The following C1QTNF1 variants were observed in gnomAD, a reference collection of about 807,000 sequenced individuals.
C1QTNF1 encodes complement C1q tumor necrosis factor-related protein 1.
A neutral mutation model predicts 27.8 loss-of-function variants in C1QTNF1; 22 were observed. The ratio of observed to expected loss-of-function variants is 0.79; its 90% CI spans 0.56 to 1.13. The LOEUF (loss-of-function observed/expected upper bound fraction) is 1.13, where lower values mean the gene tolerates loss of function less well. C1QTNF1 is among the 50% of genes most tolerant of loss of function. C1QTNF1 has a pLI of 0.00. For missense variants in C1QTNF1, 373 were observed against 380.2 expected, an observed-to-expected ratio of 0.98 and a Z score of 0.16; for synonymous variants, 166 against 154.3, an observed-to-expected ratio of 1.08 and a Z score of -0.56.
intron 1 of C1QTNF1, among the ~76,000 whole-genome samples, chr17:79,026,710 C>T (rs1007033526): frequency 6.6e-5 from 10 of 152,096 alleles, no homozygotes; most frequent in Admixed American, 1.3e-4. Flanking sequence ...CCTAGGTGGG[C>T]GCTGTGCGGC....
At chr17:79,028,163 G>A (rs1425256352) in intron 1 of C1QTNF1, among the ~76,000 whole-genome samples, 2 of 152,210 alleles carry the variant, frequency 1.3e-5, no homozygotes, top group African/African-American at 4.8e-5. Context: ...GGGAGGAGGA[G>A]AAGAGGCAGA....
In C1QTNF1 at chr17:79,046,338, G is replaced by T. The variant is rs1446955470; in HGVS notation, c.156-217G>T. Among the ~76,000 whole-genome samples, 3 of 152,178 alleles carry T rather than the reference G, an allele frequency of 2.0e-5. No individual in the cohort carries two copies. Among genetic ancestry groups the T allele is most frequent in the Admixed American group, 1.3e-4 (2 of 15,282 alleles). On this transcript the variant is annotated intron_variant, in intron 2 of 3. Coordinates refer to ENST00000579760, the MANE Select transcript of C1QTNF1 (RefSeq NM_030968.5). This position sits in a 1 kb window ranked among gnomAD's most constrained non-coding sequence, Gnocchi z 4.8. ...CAATTGATCGCTGCGTGTGTTTCCA[G>T]GACTGTCATTGCCTTTAACAGAGGG...
chr17:79,023,722 AC>A (rs1286062058), upstream of C1QTNF1, among the ~76,000 whole-genome samples: 217 of 150,264 alleles, frequency 1.4e-3, no homozygotes, highest in Non-Finnish European at 2.0e-3. Context: ...ACACACACAC[AC>A]ACACACACAC....
intron 1 of C1QTNF1, 31 bp from the exon 2 acceptor site, chr17:79,043,924 G>C (rs751832345): frequency 4.3e-6 from 7 of 1,611,802 alleles, no homozygotes; most frequent in Non-Finnish European, 5.1e-6. Context: ...TCCTAACTCG[G>C]TGCCTTCCCT....
intron 1 of C1QTNF1, among the ~76,000 whole-genome samples, chr17:79,043,165 GTA>G (rs923002552): frequency 6.7e-5 from 10 of 149,380 alleles, no homozygotes; most frequent in African/African-American, 2.0e-4. Flanking sequence ...GCATGTGATG[GTA>G]TATGTGTGTG....
chr17:79,036,745 A>G (rs1352120490), intron 1 of C1QTNF1, among the ~76,000 whole-genome samples: 1 of 152,118 alleles, frequency 6.6e-6, no homozygotes, highest in Non-Finnish European at 1.5e-5. Flanking sequence ...TTCCTGGTTG[A>G]ATCACTTCCT....
chr17:79,034,445 C>T (rs1046113106), intron 1 of C1QTNF1: 1 of 152,358 alleles, frequency 6.6e-6, no homozygotes, highest in Admixed American at 6.5e-5. Context: ...GCCAAGCGCC[C>T]CGAAGGCCCG....
chr17:79,030,643 G>A (rs1415396018), intron 1 of C1QTNF1, among the ~76,000 whole-genome samples: 7 of 147,058 alleles, frequency 4.8e-5, no homozygotes, highest in Admixed American at 3.5e-4. Flanking sequence ...TATGTTGTCC[G>A]GGCTGGAGGG....
intron 1 of C1QTNF1, 144 bp from the exon 2 acceptor site, chr17:79,043,811 G>C: frequency 1.2e-6 from 1 of 851,550 alleles, no homozygotes. Flanking sequence ...CCCAGAAGCT[G>C]TGTAACTGCA....
At chr17:79,022,935 T>C (rs1049229144), upstream of C1QTNF1, 5 of 152,292 alleles carry the variant, frequency 3.3e-5, no homozygotes, top group African/African-American at 1.2e-4. Flanking sequence ...CTCATCTCCA[T>C]TTGTCCTCAG....
intron 1 of C1QTNF1, among the ~76,000 whole-genome samples, chr17:79,025,463 A>C (rs1221448585): frequency 6.6e-6 from 1 of 152,160 alleles, no homozygotes; most frequent in Non-Finnish European, 1.5e-5. Context: ...AGGAGGCAAC[A>C]TGACGTGCTG....
intron 1 of C1QTNF1, among the ~76,000 whole-genome samples, chr17:79,033,423 AAG>A (rs2072186789): frequency 6.6e-6 from 1 of 152,170 alleles, no homozygotes; most frequent in South Asian, 2.1e-4. Flanking sequence ...GACAGGCAGA[AAG>A]AGGTCAGGCA....
At chr17:79,041,940 C>T (rs548079185) in intron 1 of C1QTNF1, 1 of 152,112 alleles carries the variant, frequency 6.6e-6, no homozygotes, top group African/African-American at 2.4e-5. Flanking sequence ...TTTTAACTTT[C>T]CTTAGACATA....
At chr17:79,047,056 G>A (rs1255825264) in intron 3 of C1QTNF1, 2 of 297,072 alleles carry the variant, frequency 6.7e-6, no homozygotes, top group Non-Finnish European at 1.3e-5. Flanking sequence ...GCTCGCTCCG[G>A]TCCTGCACAC....
chr17:79,029,532 T>C (rs971987405), intron 1 of C1QTNF1, among the ~76,000 whole-genome samples: 5 of 151,886 alleles, frequency 3.3e-5, no homozygotes, highest in African/African-American at 1.2e-4. Context: ...CAGTGGTGGC[T>C]TTTCAGGGGT....
chr17:79,044,286 C>T (rs1295379362), intron 2 of C1QTNF1, among the ~76,000 whole-genome samples, 163 bp downstream of exon 2: 2 of 152,154 alleles, frequency 1.3e-5, no homozygotes. Flanking sequence ...GACAGACGAG[C>T]GATTCCTCCT....
intron 1 of C1QTNF1, among the ~76,000 whole-genome samples, chr17:79,038,995 A>G (rs540221392): frequency 3.9e-5 from 6 of 152,294 alleles, no homozygotes; most frequent in African/African-American, 1.4e-4. Context: ...CCTTGTCCCT[A>G]CCAGCCTGAG....
intron 1 of C1QTNF1, among the ~76,000 whole-genome samples, chr17:79,025,475 G>A (rs1178651417): frequency 6.6e-6 from 1 of 152,162 alleles, no homozygotes; most frequent in African/African-American, 2.4e-5. Flanking sequence ...GACGTGCTGG[G>A]AGCTTTCTGG....
Position 79,049,219 on chromosome 17 carries a change from G to C in C1QTNF1, c.*1131G>C, listed in dbSNP as rs1349336837. 6.6e-6 allele frequency: 1 copy of C among 152,370 alleles called. No individual in the cohort carries two copies. The highest frequency in any genetic ancestry group is 2.4e-5 in the African/African-American group (1 of 41,456). 9.4% of individuals were successfully genotyped at this position (152,370 alleles called of 1,614,324 possible). On this transcript the variant is annotated 3_prime_UTR_variant, in exon 4 of 4. Transcript: ENST00000579760. The surrounding 1 kb of genome is among the most constrained non-coding windows in gnomAD (Gnocchi z 4.4). ...TGAGAGGGGCTTTTTCTAGGCTTCAGAGCAGGGGAGAGCTGGAAGGGGCTA... is the reference window on the plus strand; with the variant it reads ...TGAGAGGGGCTTTTTCTAGGCTTCACAGCAGGGGAGAGCTGGAAGGGGCTA...
Sources: gnomAD v4.1 joint callset for allele counts (sites outside exome capture counted in the v4.1 genomes callset) on GRCh38, gnomAD v4.1.1 for gene constraint, Gnocchi (gnomAD v3.1) non-coding constraint, MANE v1.5 for transcripts, NCBI Gene and HGNC (gene_info 2026-07-23, HGNC 2026-07-21) for gene names.